The following LMLN variants were observed in gnomAD, a reference collection of about 807,000 sequenced individuals.
LMLN encodes leishmanolysin like peptidase.
LMLN carries 70 observed loss-of-function variants against 92.3 expected under a neutral mutation model. The ratio of observed to expected loss-of-function variants is 0.76; its 90% CI spans 0.63 to 0.92. The LOEUF is 0.92. Among genes scored for constraint, LMLN ranks in the 40% least tolerant of loss-of-function variants. The probability of loss-of-function intolerance (pLI) is 0.00; values close to 1 mark genes in which losing one functional copy is unlikely to be tolerated. For synonymous variants in LMLN, 308 were observed against 296.2 expected, an observed-to-expected ratio of 1.04 and a Z score of -0.41; for missense variants, 691 against 814.6, an observed-to-expected ratio of 0.85 and a Z score of 1.85.
intron 14 of LMLN, among the ~76,000 whole-genome samples, chr3:198,028,091 C>G (rs555409731): frequency 6.6e-6 from 1 of 152,148 alleles, no homozygotes; most frequent in Non-Finnish European, 1.5e-5. Flanking sequence ...ACACTCGTGG[C>G]CTTCCGCACC....
chr3:197,994,058 A>G (rs1207793648), intron 9 of LMLN, among the ~76,000 whole-genome samples: 1 of 152,214 alleles, frequency 6.6e-6, no homozygotes, highest in Non-Finnish European at 1.5e-5. Flanking sequence ...GGAGAACTGG[A>G]TATCCATATG....
chr3:198,035,788 C>T (rs1723202676), intron 14 of LMLN, 45 bp from the exon 16 acceptor site: 1 of 1,377,086 alleles, frequency 7.3e-7, no homozygotes. Context: ...TCTTACTGAC[C>T]TGATATTTAT....
Position 198,025,535 on chromosome 3 carries a change from A to G in LMLN, c.1656+747A>G, listed in dbSNP as rs1008434763. Reference sequence around the variant, plus strand: ...TACAGTGTGCACCACACACCCGACTAAGTGTTTGATTTTTTGTAGAGAAGA... The same window carrying G: ...TACAGTGTGCACCACACACCCGACTGAGTGTTTGATTTTTTGTAGAGAAGA... On this transcript the variant is annotated intron_variant, in intron 14 of 15. Coordinates refer to ENST00000330198, the Ensembl canonical transcript of LMLN. This position sits in a 1 kb window ranked among gnomAD's most constrained non-coding sequence, Gnocchi z 4.3. Among the ~76,000 whole-genome samples the G allele has an allele frequency of 6.6e-6, 1 of 151,718 alleles. No homozygotes were observed. The highest frequency in any genetic ancestry group is 1.5e-5 in the Non-Finnish European group (1 of 67,844).
At chr3:197,994,708 TAAAAA>T (rs961663146) in intron 9 of LMLN, 2 of 152,130 alleles carry the variant, frequency 1.3e-5, no homozygotes, top group Non-Finnish European at 2.9e-5. Flanking sequence ...TTCCATATTT[TAAAAA>T]GAAAAGAAAA....
chr3:198,019,518 T>C lies in LMLN; in HGVS notation c.1365+133T>C. 1.2e-6 allele frequency: 1 copy of C among 849,664 alleles called. No homozygotes were observed. The highest frequency in any genetic ancestry group is 1.7e-6 in the Non-Finnish European group (1 of 574,134). 52.6% of individuals were successfully genotyped at this position (849,664 alleles called of 1,614,324 possible). A position where few individuals can be genotyped will look rare whatever the true frequency, so the allele number is the denominator to read the frequency against. The stretch of plus-strand genomic sequence containing the variant: ...TTGTTTTCTGTAAGTTAGAAAAAAA[T>C]GGAATAATGCTTCCATTTCTTTAAA... On this transcript the variant is annotated intron_variant, in intron 12 of 15. Coordinates refer to ENST00000330198, the Ensembl canonical transcript of LMLN. The surrounding 1 kb of genome is among the most constrained non-coding windows in gnomAD (Gnocchi z 5.5).
At chr3:198,002,566 C>T (rs1021539735) in intron 11 of LMLN, among the ~76,000 whole-genome samples, 9 of 152,270 alleles carry the variant, frequency 5.9e-5, no homozygotes, top group African/African-American at 1.9e-4. Context: ...AGTGAAACCC[C>T]GTCTCTACTA....
rs149412903 is a variant in LMLN, at chr3:197,968,825, C to G, written c.220-5552C>G. On this transcript the variant is annotated intron_variant, in intron 1 of 15. Coordinates refer to ENST00000330198, the Ensembl canonical transcript of LMLN. ...GTTTAGTAGAATTCACTAATTAAGC[C>G]ATCTCAGTCTGGAATTTTCTTTTTT... Among the ~76,000 whole-genome samples the G allele has an allele frequency of 1.5e-3, 234 of 152,286 alleles. 4 individuals carry two copies. Among genetic ancestry groups the G allele is most frequent in the East Asian group, 3.1e-3 (16 of 5,190 alleles).
intron 14 of LMLN, among the ~76,000 whole-genome samples, chr3:198,026,378 G>A (rs1291241351): frequency 6.6e-6 from 1 of 152,050 alleles, no homozygotes; most frequent in African/African-American, 2.4e-5. Flanking sequence ...GAGTGCAGTG[G>A]TGCGATCTCA....
At chr3:197,998,101 G>A (rs1722076896) in intron 10 of LMLN, among the ~76,000 whole-genome samples, 2 of 152,260 alleles carry the variant, frequency 1.3e-5, no homozygotes, top group Non-Finnish European at 2.9e-5. Flanking sequence ...CCACATAGCA[G>A]TGGAAGGGCT....
chr3:198,019,411 C>T lies in LMLN; in HGVS notation c.1365+26C>T, dbSNP rs1272863467. ...GTAGAACAGGGCTGGGGCACAGTTT[C>T]AGGAATCAGCTTTTCAAAAGTAGTC... On this transcript the variant is annotated intron_variant, in intron 12 of 15. Coordinates refer to ENST00000330198, the Ensembl canonical transcript of LMLN. The surrounding 1 kb of genome is among the most constrained non-coding windows in gnomAD (Gnocchi z 5.5). 1 of 1,576,220 alleles carries T rather than the reference C, an allele frequency of 6.3e-7. No individual in the cohort carries two copies. The highest frequency in any genetic ancestry group is 2.0e-5 in the Admixed American group (1 of 49,544).
At chr3:198,020,766 G>GTTTGTTTTTT (rs1260852398) in intron 12 of LMLN, among the ~76,000 whole-genome samples, 39 of 25,634 alleles carry the variant, frequency 1.5e-3, no homozygotes, top group African/African-American at 6.0e-3. Flanking sequence ...GCTAATTTTT[G>GTTTGTTTTTT]TATTTTTTTT....
chr3:198,015,988 C>T (rs1260649391), intron 11 of LMLN, among the ~76,000 whole-genome samples: 3 of 151,922 alleles, frequency 2.0e-5, no homozygotes, highest in Admixed American at 6.6e-5. Context: ...GGCTTGAGCC[C>T]AGGAGTTTGA....
chr3:198,017,153 T>C (rs1199585779), intron 11 of LMLN, among the ~76,000 whole-genome samples: 3 of 151,844 alleles, frequency 2.0e-5, no homozygotes, highest in Non-Finnish European at 4.4e-5. Flanking sequence ...AAAAACAGGT[T>C]GTGGTCAGGA....
At chr3:198,017,531 A>C (rs1305052848) in intron 11 of LMLN, among the ~76,000 whole-genome samples, 1 of 152,176 alleles carries the variant, frequency 6.6e-6, no homozygotes, top group Non-Finnish European at 1.5e-5. Context: ...ATTTGGTGTT[A>C]ATATTGGCTC....
chr3:198,003,175 A>T, intron 11 of LMLN, 50 bp downstream of exon 12: 1 of 1,098,734 alleles, frequency 9.1e-7, no homozygotes, highest in Non-Finnish European at 1.3e-6. Context: ...TTCCTTTCTG[A>T]CTTTATTCTT....
intron 14 of LMLN, among the ~76,000 whole-genome samples, chr3:198,035,222 T>A (rs547643428): frequency 7.8e-4 from 116 of 149,388 alleles, no homozygotes; most frequent in African/African-American, 2.8e-3. Flanking sequence ...AAAAAAGCTG[T>A]ATGTGTGTGC....
intron 1 of LMLN, among the ~76,000 whole-genome samples, chr3:197,965,845 G>T (rs928457249): frequency 6.6e-6 from 1 of 152,162 alleles, no homozygotes; most frequent in Non-Finnish European, 1.5e-5. Context: ...AGCCCAGGAG[G>T]TGAAGGCTGC....
intron 14 of LMLN, among the ~76,000 whole-genome samples, chr3:198,033,896 G>A (rs1723142967): frequency 6.6e-6 from 1 of 152,246 alleles, no homozygotes; most frequent in African/African-American, 2.4e-5. Context: ...TGACAGAGAA[G>A]AGGTCACACT....
intron 1 of LMLN, among the ~76,000 whole-genome samples, chr3:197,960,839 G>A (rs1560128991): frequency 6.6e-6 from 1 of 152,090 alleles, no homozygotes; most frequent in Non-Finnish European, 1.5e-5. Context: ...ATGCTTGTCC[G>A]GGGACCACTT....
Sources: allele counts gnomAD v4.1 joint callset (sites outside exome capture counted in the v4.1 genomes callset), GRCh38; gene constraint gnomAD v4.1.1; non-coding constraint Gnocchi (gnomAD v3.1); transcripts MANE v1.5; gene names NCBI Gene and HGNC (gene_info 2026-07-23, HGNC 2026-07-21).